Variants in SIAH3 observed in about 807,000 individuals in gnomAD.
The protein encoded by SIAH3 is seven in absentia homolog 3.
A neutral mutation model predicts 12.6 loss-of-function variants in SIAH3; 9 were observed. That is an observed-to-expected ratio of 0.72 (90% confidence interval 0.43 to 1.25). The LOEUF is 1.25. Ranked by LOEUF, SIAH3 falls within the 50% of genes most tolerant of loss-of-function variation. The pLI, the probability that SIAH3 is intolerant of heterozygous loss-of-function variation, is 0.00. For missense variants in SIAH3, 390 were observed against 365.4 expected, an observed-to-expected ratio of 1.07 and a Z score of -0.55; for synonymous variants, 154 against 151.1, an observed-to-expected ratio of 1.02 and a Z score of -0.14.
At chr13:45,821,668 G>C (rs1345850329) in intron 1 of SIAH3, among the ~76,000 whole-genome samples, 1 of 152,198 alleles carries the variant, frequency 6.6e-6, no homozygotes, top group African/African-American at 2.4e-5. Context: ...TTATGAGCAA[G>C]TGTTATGCAA....
At chr13:45,786,457 G>A (rs989885550) in intron 1 of SIAH3, among the ~76,000 whole-genome samples, 12 of 152,202 alleles carry the variant, frequency 7.9e-5, no homozygotes, top group African/African-American at 2.9e-4. Context: ...TGGGAATGGG[G>A]CCCAGATCAG....
At chr13:45,825,170 T>C (rs1456873881) in intron 1 of SIAH3, among the ~76,000 whole-genome samples, 30 of 152,184 alleles carry the variant, frequency 2.0e-4, no homozygotes. Context: ...CAGGACTCCC[T>C]AGGCATCTCG....
chr13:45,801,656 C>T (rs1315928653), intron 1 of SIAH3, among the ~76,000 whole-genome samples: 15 of 152,114 alleles, frequency 9.9e-5, no homozygotes, highest in African/African-American at 2.9e-4. Context: ...TACTTAATAA[C>T]GTGTTACATT....
At chr13:45,823,716 C>T (rs1283973886) in intron 1 of SIAH3, among the ~76,000 whole-genome samples, 1 of 152,200 alleles carries the variant, frequency 6.6e-6, no homozygotes, top group Non-Finnish European at 1.5e-5. Flanking sequence ...ACCTTTAAGA[C>T]AAGGTCAAAA....
At chr13:45,834,248 G>A (rs1037374054) in intron 1 of SIAH3, among the ~76,000 whole-genome samples, 1 of 152,162 alleles carries the variant, frequency 6.6e-6, no homozygotes, top group African/African-American at 2.4e-5. Flanking sequence ...CCCAGCTTTT[G>A]TAACTAAACA....
rs1181588127 is a variant in SIAH3 at position 45,782,132 on chromosome 13, C to A, written c.*1251G>T. ...TGACTTTCTTCAAATACACGAGAGACTTCTACAAGAAGATGTTGATGAATT... is the reference window on the plus strand; with the variant it reads ...TGACTTTCTTCAAATACACGAGAGAATTCTACAAGAAGATGTTGATGAATT... On this transcript the variant is annotated 3_prime_UTR_variant, in exon 2 of 2. Coordinates refer to ENST00000400405, the MANE Select transcript of SIAH3 (RefSeq NM_198849.3). 5 of 152,214 alleles carry A rather than the reference C, an allele frequency of 3.3e-5. No homozygotes were observed. The highest frequency in any genetic ancestry group is 7.3e-5 in the Non-Finnish European group (5 of 68,044). 9.4% of individuals were successfully genotyped at this position (152,214 alleles called of 1,614,324 possible). A position where few individuals can be genotyped will look rare whatever the true frequency, so the allele number is the denominator to read the frequency against.
intron 1 of SIAH3, among the ~76,000 whole-genome samples, chr13:45,820,084 C>A (rs1950650075): frequency 6.6e-6 from 1 of 152,190 alleles, no homozygotes; most frequent in Admixed American, 6.5e-5. Context: ...GGGCCTTAAT[C>A]CCATTCAGGA....
chr13:45,851,407 C>T (rs773575592), intron 1 of SIAH3, 88 bp downstream of exon 1: 88 of 1,569,414 alleles, frequency 5.6e-5, no homozygotes, highest in Non-Finnish European at 7.4e-5. Context: ...TTGCAAAGGG[C>T]TGCACACGTT....
intron 1 of SIAH3, among the ~76,000 whole-genome samples, chr13:45,796,620 G>T (rs1339361384): frequency 6.6e-6 from 1 of 152,162 alleles, no homozygotes; most frequent in East Asian, 1.9e-4. Context: ...AGTGGCACAG[G>T]CCTTGCCCTT....
intron 1 of SIAH3, among the ~76,000 whole-genome samples, chr13:45,845,272 A>G (rs767663870): frequency 1.3e-4 from 19 of 151,696 alleles, no homozygotes; most frequent in Non-Finnish European, 2.4e-4. Flanking sequence ...GCGTGTGTTA[A>G]AAACGCTGAA....
chr13:45,826,466 T>G, intron 1 of SIAH3, among the ~76,000 whole-genome samples: 1 of 68,720 alleles, frequency 1.5e-5, no homozygotes, highest in Non-Finnish European at 2.7e-5. Flanking sequence ...GATGAATGGA[T>G]GGATGGATGG....
chr13:45,783,329 G>A lies in SIAH3; in HGVS notation c.*54C>T. On this transcript the variant is annotated 3_prime_UTR_variant, in exon 2 of 2. Transcript: ENST00000400405. ...GGAGTCTGGAGTCCTGGTATTGGGA[G>A]GTCCCAGGCGTTTCCTAGGGAGGCT... is the stretch of plus-strand genomic sequence containing the variant. 1 of 1,455,012 alleles carries A rather than the reference G, an allele frequency of 6.9e-7. No individual in the cohort carries two copies. The allele number at this position is 1,455,012 out of a possible 1,614,324, so 90.1% of individuals were successfully genotyped here.
At chr13:45,848,658 A>T (rs1242461285) in intron 1 of SIAH3, among the ~76,000 whole-genome samples, 1 of 152,186 alleles carries the variant, frequency 6.6e-6, no homozygotes, top group Non-Finnish European at 1.5e-5. Flanking sequence ...TGTTGGTTCG[A>T]ATTCTCAGGA....
In SIAH3 at chr13:45,791,172, A is replaced by G. The variant is rs189129209; in HGVS notation, c.136-7115T>C. Among the ~76,000 whole-genome samples the G allele has an allele frequency of 3.0e-3, 457 of 152,204 alleles. 2 individuals are homozygous for G. Among genetic ancestry groups the G allele is most frequent in the African/African-American group, 0.011 (437 of 41,540 alleles). ...AGTGAGACCCTGTCTCAAAGAAAAA[A>G]AAAAAGAAAAAAAGAAAATCACTAA... On this transcript the variant is annotated intron_variant, in intron 1 of 1. Transcript: ENST00000400405.
chr13:45,829,410 C>T (rs191634597), intron 1 of SIAH3, among the ~76,000 whole-genome samples: 54 of 152,174 alleles, frequency 3.5e-4, no homozygotes, highest in Non-Finnish European at 5.7e-4. Flanking sequence ...CAAGACCAGC[C>T]TGGGCAACAT....
chr13:45,802,803 G>A (rs1379705143), intron 1 of SIAH3, among the ~76,000 whole-genome samples: 2 of 152,214 alleles, frequency 1.3e-5, no homozygotes, highest in Non-Finnish European at 2.9e-5. Context: ...CAGGCGTGGT[G>A]GCTCACGCCT....
intron 1 of SIAH3, among the ~76,000 whole-genome samples, chr13:45,837,723 T>G (rs1593388044): frequency 6.6e-6 from 1 of 152,208 alleles, no homozygotes; most frequent in East Asian, 1.9e-4. Context: ...ATTTACCATA[T>G]TAATTCTTCT....
chr13:45,790,146 A>G (rs1593375628), intron 1 of SIAH3, among the ~76,000 whole-genome samples: 1 of 152,192 alleles, frequency 6.6e-6, no homozygotes, highest in East Asian at 1.9e-4. Flanking sequence ...ATACCACTGC[A>G]TACAAATTTT....
rs1255623696 is a variant in SIAH3, at chr13:45,783,703, C to G, written c.490G>C (p.Gly164Arg). ...CTCAGCACCAACAGAAAGTGGTGGC[C>G]AAGGCAGGAGTGCATGATGATCCAA... is the stretch of plus-strand genomic sequence containing the variant. ...ADWIIMHSCL[G>R]HHFLLVLRKQ... is the part of the protein sequence containing the mutation. The change falls in exon 2 of 2, where the codon GGC becomes CGC. Residue 164 changes from glycine (G) to arginine (R), a missense_variant. Gly to Arg is a moderately radical substitution (Grantham distance 125). Coordinates refer to ENST00000400405, the MANE Select transcript of SIAH3 (RefSeq NM_198849.3). 1 of 1,614,116 alleles carries G rather than the reference C, an allele frequency of 6.2e-7. No homozygotes were observed. Among genetic ancestry groups the G allele is most frequent in the African/African-American group, 1.3e-5 (1 of 75,038 alleles).
Sources: allele counts gnomAD v4.1 joint callset (sites outside exome capture counted in the v4.1 genomes callset), GRCh38; gene constraint gnomAD v4.1.1; transcripts MANE v1.5; gene names NCBI Gene and HGNC (gene_info 2026-07-23, HGNC 2026-07-21).